CREG2: variants seen among roughly 807,000 people sequenced by gnomAD.
The protein encoded by CREG2 is protein CREG2.
Under a neutral mutation model 26.2 loss-of-function variants are expected in CREG2, and 24 were observed. That is an observed-to-expected ratio of 0.92 (90% CI 0.66 to 1.29). CREG2 has a LOEUF of 1.29. Ranked by LOEUF, CREG2 falls within the 50% of genes most tolerant of loss-of-function variation. The pLI, the probability that CREG2 is intolerant of heterozygous loss-of-function variation, is 0.00. For synonymous variants in CREG2, 174 were observed against 169.2 expected (o/e 1.03, Z -0.22); for missense variants, 366 against 398.6 (o/e 0.92, Z 0.70).
Position 101,350,662 on chromosome 2 carries a change from T to A in CREG2, c.*261A>T. 1 of 343,688 alleles carries A rather than the reference T, an allele frequency of 2.9e-6. No individual in the cohort carries two copies. The highest frequency in any genetic ancestry group is 9.2e-5 in the South Asian group (1 of 10,848). 21.3% of individuals were successfully genotyped at this position (343,688 alleles called of 1,614,324 possible). ...TGACCACCAGCTATTATATGATTTC[T>A]GAATCGATGAGTCTGGATTGAATAC... is the stretch of plus-strand genomic sequence containing the variant. On this transcript the variant is annotated 3_prime_UTR_variant, in exon 4 of 4. Coordinates refer to ENST00000324768, the MANE Select transcript of CREG2 (RefSeq NM_153836.4).
rs181935043 is a variant in CREG2, at chr2:101,360,716, C to T, written c.612-5350G>A. ...TTGTACCACTGCACTCCAGCCTGGG[C>T]GACAGAGCAAGACTCAGTCTCAGAA... On this transcript the variant is annotated intron_variant, in intron 2 of 3. Coordinates refer to ENST00000324768, the MANE Select transcript of CREG2 (RefSeq NM_153836.4). 1.4e-4 allele frequency among the ~76,000 whole-genome samples: 21 copies of T among 146,976 alleles called. No individual in the cohort carries two copies. In the South Asian group the frequency reaches 3.6e-3, roughly 25 times the overall value.
chr2:101,380,682 G>A (rs1684858424), intron 2 of CREG2, among the ~76,000 whole-genome samples: 1 of 152,220 alleles, frequency 6.6e-6, no homozygotes, highest in Admixed American at 6.5e-5. Flanking sequence ...CGTGGCTCAT[G>A]CCTGTAATCC....
At chr2:101,373,223 G>A (rs940541944) in intron 2 of CREG2, among the ~76,000 whole-genome samples, 5 of 152,210 alleles carry the variant, frequency 3.3e-5, no homozygotes, top group Non-Finnish European at 5.9e-5. Context: ...AACTCATGAC[G>A]AATGGATAAA....
chr2:101,385,575 T>C (rs1025268884), intron 1 of CREG2, among the ~76,000 whole-genome samples: 1 of 152,246 alleles, frequency 6.6e-6, no homozygotes, highest in African/African-American at 2.4e-5. Context: ...CACCTTGTTG[T>C]TACTTGCTCA....
At chr2:101,364,993 G>A (rs919624939) in intron 2 of CREG2, among the ~76,000 whole-genome samples, 2 of 152,228 alleles carry the variant, frequency 1.3e-5, no homozygotes, top group African/African-American at 4.8e-5. Flanking sequence ...AGAAGCGTAG[G>A]AGGCGTGGAA....
intron 2 of CREG2, among the ~76,000 whole-genome samples, chr2:101,365,978 G>A (rs1289454156): frequency 6.6e-6 from 1 of 152,172 alleles, no homozygotes; most frequent in Non-Finnish European, 1.5e-5. Flanking sequence ...TTAGATATAA[G>A]AGAAATAAGC....
intron 2 of CREG2, among the ~76,000 whole-genome samples, chr2:101,370,829 G>C (rs1455929390): frequency 1.3e-5 from 2 of 152,168 alleles, no homozygotes; most frequent in African/African-American, 4.8e-5. Context: ...TAGCAGCCAG[G>C]CTGAGAAAGC....
chr2:101,381,890 G>C (rs1684880228), intron 2 of CREG2, among the ~76,000 whole-genome samples: 1 of 152,200 alleles, frequency 6.6e-6, no homozygotes, highest in Non-Finnish European at 1.5e-5. Context: ...CTTCCCAAGG[G>C]ACTGAAGGAA....
intron 3 of CREG2, among the ~76,000 whole-genome samples, chr2:101,351,648 G>C (rs1029878693): frequency 6.6e-6 from 1 of 152,178 alleles, no homozygotes; most frequent in African/African-American, 2.4e-5. Context: ...AGAGTTGACA[G>C]GCAACGTCAC....
chr2:101,379,157 C>T (rs1684834438), intron 2 of CREG2, among the ~76,000 whole-genome samples: 1 of 152,154 alleles, frequency 6.6e-6, no homozygotes, highest in Non-Finnish European at 1.5e-5. Context: ...TTATTATGCC[C>T]TGGGGTGGGA....
In CREG2 at chr2:101,350,700, A is replaced by G. The variant is rs1684368167; in HGVS notation, c.*223T>C. ...CTGGATTGAATACAATGGAATAAAG[A>G]CTATCTACGTGAAGTATCTGTGTGA... On this transcript the variant is annotated 3_prime_UTR_variant, in exon 4 of 4. Coordinates refer to ENST00000324768, the MANE Select transcript of CREG2 (RefSeq NM_153836.4). 1 of 525,438 alleles carries G rather than the reference A, an allele frequency of 1.9e-6. No homozygotes were observed. Among genetic ancestry groups the G allele is most frequent in the Non-Finnish European group, 3.4e-6 (1 of 295,974 alleles). The allele number at this position is 525,438 out of a possible 1,614,324, so 32.5% of individuals were successfully genotyped here. A position where few individuals can be genotyped will look rare whatever the true frequency, so the allele number is the denominator to read the frequency against.
At chr2:101,374,988 T>G (rs900282392) in intron 2 of CREG2, among the ~76,000 whole-genome samples, 1 of 152,202 alleles carries the variant, frequency 6.6e-6, no homozygotes, top group Non-Finnish European at 1.5e-5. Flanking sequence ...CTGACCCGCC[T>G]GCTGACACCC....
chr2:101,363,501 A>G (rs1043385933), intron 2 of CREG2, among the ~76,000 whole-genome samples: 2 of 152,224 alleles, frequency 1.3e-5, no homozygotes, highest in Admixed American at 1.3e-4. Flanking sequence ...AACCTTCCCA[A>G]ACACTTTATG....
intron 2 of CREG2, among the ~76,000 whole-genome samples, chr2:101,380,852 G>A (rs1684861026): frequency 6.6e-6 from 1 of 152,100 alleles, no homozygotes; most frequent in South Asian, 2.1e-4. Context: ...GCTGAGGCAG[G>A]AGAATCACTT....
chr2:101,369,201 A>G (rs543930429), intron 2 of CREG2, among the ~76,000 whole-genome samples: 1 of 152,164 alleles, frequency 6.6e-6, no homozygotes, highest in South Asian at 2.1e-4. Context: ...AGGGAGACCT[A>G]GTTGGGAGAA....
In CREG2 at chr2:101,347,034, A is replaced by G. The variant is rs1034873678; in HGVS notation, c.*3889T>C. ...CCCTAATCTATTCTCCATTCCTATA[A>G]TTTTGCATTTCAAAATGTTATGTAA... On this transcript the variant is annotated 3_prime_UTR_variant, in exon 4 of 4. Coordinates refer to ENST00000324768, the MANE Select transcript of CREG2 (RefSeq NM_153836.4). 6.6e-6 allele frequency: 1 copy of G among 152,124 alleles called. No individual in the cohort carries two copies. Among genetic ancestry groups the G allele is most frequent in the Non-Finnish European group, 1.5e-5 (1 of 68,022 alleles). The allele number at this position is 152,124 out of a possible 1,614,324, so 9.4% of individuals were successfully genotyped here.
chr2:101,372,661 C>T (rs930151019), intron 2 of CREG2, among the ~76,000 whole-genome samples: 2 of 152,154 alleles, frequency 1.3e-5, no homozygotes, highest in African/African-American at 4.8e-5. Context: ...ATATTGAATC[C>T]TCAGCAGTTT....
chr2:101,361,724 A>G (rs982518309), intron 2 of CREG2, among the ~76,000 whole-genome samples: 57 of 152,202 alleles, frequency 3.7e-4, no homozygotes, highest in African/African-American at 1.4e-3. Context: ...TACGAAACTA[A>G]TACACCATCT....
At chr2:101,372,134 G>GC (rs1454614984) in intron 2 of CREG2, among the ~76,000 whole-genome samples, 1 of 152,086 alleles carries the variant, frequency 6.6e-6, no homozygotes, top group East Asian at 1.9e-4. Context: ...ACCCTACTCA[G>GC]CTCCCCTATT....
Sources: allele counts gnomAD v4.1 joint callset (sites outside exome capture counted in the v4.1 genomes callset), GRCh38; gene constraint gnomAD v4.1.1; transcripts MANE v1.5; gene names NCBI Gene and HGNC (gene_info 2026-07-23, HGNC 2026-07-21).